Variants in CACNA1B observed in about 807,000 individuals in gnomAD.
CACNA1B encodes the protein voltage-dependent N-type calcium channel subunit alpha-1B.
In CACNA1B, 70 loss-of-function variants were observed where a neutral mutation model predicts 247.2. That is an observed-to-expected ratio of 0.28 (90% confidence interval 0.23 to 0.35). The LOEUF is 0.35. Ranked by LOEUF, CACNA1B falls within the 10% of genes least tolerant of loss-of-function variation. The pLI, the probability that CACNA1B is intolerant of heterozygous loss-of-function variation, is 1.00. For synonymous variants in CACNA1B, 1,231 were observed against 1,294.4 expected, an observed-to-expected ratio of 0.95 and a Z score of 1.05; for missense variants, 2,367 against 3,197.4, an observed-to-expected ratio of 0.74 and a Z score of 6.26.
Position 138,014,978 on chromosome 9 carries a change from C to T in CACNA1B, c.2267+1743C>T, listed in dbSNP as rs1958772203. 6.6e-6 allele frequency among the ~76,000 whole-genome samples: 1 copy of T among 152,202 alleles called. No individual in the cohort carries two copies. The highest frequency in any genetic ancestry group is 2.4e-5 in the African/African-American group (1 of 41,450). ...AGGAACAAGGCAGTAGACTGGCATC[C>T]TTGGGCACAGTGTACATCGACACCA... On this transcript the variant is annotated intron_variant, in intron 18 of 46. Coordinates refer to ENST00000371372, the MANE Select transcript of CACNA1B (RefSeq NM_000718.4). This position sits in a 1 kb window ranked among gnomAD's most constrained non-coding sequence, Gnocchi z 6.2.
intron 10 of CACNA1B, among the ~76,000 whole-genome samples, chr9:137,966,971 T>A (rs1958086036): frequency 7.6e-6 from 1 of 131,078 alleles, no homozygotes; most frequent in Non-Finnish European, 1.5e-5. Flanking sequence ...TTTTGCTTTT[T>A]TTTTTTTAAA....
rs987086229 is a variant in CACNA1B, at chr9:138,100,823, A to G, written c.5223-1888A>G. Among the ~76,000 whole-genome samples, 6 of 152,128 alleles carry G rather than the reference A, an allele frequency of 3.9e-5. No homozygotes were observed. The highest frequency in any genetic ancestry group is 5.9e-5 in the Non-Finnish European group (4 of 68,022). ...GGAGGCCCAGGGAGCATCGTCACTCAGGGAGTGAGAGGAAGAGCTGACCGA... is the reference window on the plus strand; with the variant it reads ...GGAGGCCCAGGGAGCATCGTCACTCGGGGAGTGAGAGGAAGAGCTGACCGA... On this transcript the variant is annotated intron_variant, in intron 37 of 46. Transcript: ENST00000371372. This position sits in a 1 kb window ranked among gnomAD's most constrained non-coding sequence, Gnocchi z 4.6.
intron 3 of CACNA1B, among the ~76,000 whole-genome samples, chr9:137,897,925 TTCCTAATGGCCAACA>T (rs1215084476): frequency 1.3e-5 from 2 of 152,134 alleles, no homozygotes; most frequent in Non-Finnish European, 2.9e-5. Context: ...TTTTTCTATC[TTCCTAATGGCCAACA>T]ATTAAAATAA....
chr9:138,120,109 C>T, intron 44 of CACNA1B, 56 bp from the exon 45 acceptor site: 2 of 1,429,060 alleles, frequency 1.4e-6, no homozygotes, highest in South Asian at 2.6e-5. Context: ...TCCATGCCTG[C>T]ATTCCCGCTG....
intron 20 of CACNA1B, among the ~76,000 whole-genome samples, chr9:138,032,219 A>AT (rs2133451862): frequency 6.6e-6 from 1 of 152,108 alleles, no homozygotes; most frequent in South Asian, 2.1e-4. Context: ...TACATTATAT[A>AT]TACATAACTT....
At chr9:138,009,247 G>A (rs919495429) in intron 16 of CACNA1B, among the ~76,000 whole-genome samples, 1 of 152,232 alleles carries the variant, frequency 6.6e-6, no homozygotes, top group African/African-American at 2.4e-5. Flanking sequence ...TTTCTAAAAG[G>A]TGGGGCAGCA....
rs1328911510 is a variant in CACNA1B at position 138,014,053 on chromosome 9, TGAACACG to T, written c.2267+825_2267+831del. ...CTTCAGCCGGCCACCCGCCCTGCCG[TGAACACG>T]GAACACAGGGCCGGGTGCAGCCACA... On this transcript the variant is annotated intron_variant, in intron 18 of 46. Transcript: ENST00000371372. The surrounding 1 kb of genome is among the most constrained non-coding windows in gnomAD (Gnocchi z 6.2). Among the ~76,000 whole-genome samples the T allele has an allele frequency of 4.6e-5, 7 of 152,262 alleles. No homozygotes were observed. Among genetic ancestry groups the T allele is most frequent in the Non-Finnish European group, 7.3e-5 (5 of 68,044 alleles).
At chr9:138,039,866 T>C (rs1028929296) in intron 20 of CACNA1B, among the ~76,000 whole-genome samples, 2 of 152,200 alleles carry the variant, frequency 1.3e-5, no homozygotes, top group Admixed American at 6.5e-5. Context: ...ATCAGGTTTG[T>C]TAGTTGTATT....
chr9:138,025,245 C>A, intron 20 of CACNA1B, 73 bp downstream of exon 20: 2 of 987,110 alleles, frequency 2.0e-6, no homozygotes, highest in South Asian at 1.5e-5. Context: ...CCCTCCTGCT[C>A]CACAGCAGCC....
In CACNA1B at chr9:137,950,282, C is replaced by T. The variant is rs1013218519; in HGVS notation, c.967-1992C>T. The stretch of plus-strand genomic sequence containing the variant: ...TTTCTGCACACTGTGTGTGGGTGGG[C>T]GGCTTTGTGACTGCTGGATGGTGGT... On this transcript the variant is annotated intron_variant, in intron 6 of 46. Transcript: ENST00000371372. This position sits in a 1 kb window ranked among gnomAD's most constrained non-coding sequence, Gnocchi z 4.8. Among the ~76,000 whole-genome samples the T allele has an allele frequency of 2.0e-5, 3 of 152,168 alleles. No individual in the cohort carries two copies. Among genetic ancestry groups the T allele is most frequent in the Admixed American group, 6.5e-5 (1 of 15,272 alleles).
chr9:138,107,348 GTGATCCTCC>G (rs1961467664), intron 39 of CACNA1B, among the ~76,000 whole-genome samples: 1 of 151,818 alleles, frequency 6.6e-6, no homozygotes, highest in South Asian at 2.1e-4. Flanking sequence ...CCAGGCTCAA[GTGATCCTCC>G]TGCCTCGGCC....
At chr9:138,065,113 G>T (rs1339798803) in intron 31 of CACNA1B, among the ~76,000 whole-genome samples, 1 of 152,172 alleles carries the variant, frequency 6.6e-6, no homozygotes, top group East Asian at 1.9e-4. Context: ...CCTGCTTCAG[G>T]TGCCCTCGCC....
Position 138,051,452 on chromosome 9 carries a change from T to TCTCC in CACNA1B, c.3711-619_3711-616dup, listed in dbSNP as rs376476348. Among the ~76,000 whole-genome samples the TCTCC allele has an allele frequency of 1.5e-3, 227 of 149,888 alleles. No individual in the cohort carries two copies. The highest frequency in any genetic ancestry group is 2.7e-3 in the Non-Finnish European group (180 of 67,552). On this transcript the variant is annotated intron_variant, in intron 24 of 46. Coordinates refer to ENST00000371372, the MANE Select transcript of CACNA1B (RefSeq NM_000718.4). The surrounding 1 kb of genome is among the most constrained non-coding windows in gnomAD (Gnocchi z 4.3). ...GCATTGATATGTCTGTCTCTATGGC[T>TCTCC]CTCCCTCCCTCCCTCCCTCCCTCCT...
Position 137,881,742 on chromosome 9 carries a change from C to T in CACNA1B, c.391-1002C>T, listed in dbSNP as rs1564869782. Reference sequence around the variant, plus strand: ...GGGGTCTCCCTAAGCTCCACACAGCCCCATCTCCACCCTGTTTGCTGCTTC... The same window carrying T: ...GGGGTCTCCCTAAGCTCCACACAGCTCCATCTCCACCCTGTTTGCTGCTTC... On this transcript the variant is annotated intron_variant, in intron 2 of 46. Transcript: ENST00000371372. The surrounding 1 kb of genome is among the most constrained non-coding windows in gnomAD (Gnocchi z 4.3). Among the ~76,000 whole-genome samples, 1 of 152,206 alleles carries T rather than the reference C, an allele frequency of 6.6e-6. No individual in the cohort carries two copies. The highest frequency in any genetic ancestry group is 1.5e-5 in the Non-Finnish European group (1 of 68,040).
chr9:138,046,685 AC>A (rs1477506082), intron 21 of CACNA1B, among the ~76,000 whole-genome samples: 1 of 151,414 alleles, frequency 6.6e-6, no homozygotes. Context: ...AGCCTTCCCC[AC>A]CCCCCGTCCC....
intron 21 of CACNA1B, among the ~76,000 whole-genome samples, chr9:138,044,121 G>A (rs1959166047): frequency 6.6e-6 from 1 of 152,238 alleles, no homozygotes; most frequent in South Asian, 2.1e-4. Flanking sequence ...GTGAGCTCCA[G>A]GCCTGGGCTC....
chr9:138,089,765 C>T (rs1960817120), intron 36 of CACNA1B, among the ~76,000 whole-genome samples: 1 of 152,106 alleles, frequency 6.6e-6, no homozygotes, highest in South Asian at 2.1e-4. Context: ...ACCAAAAAAT[C>T]CTTAGAACTC....
chr9:138,069,679 A>C, intron 31 of CACNA1B, 79 bp from the exon 32 acceptor site: 4 of 1,048,912 alleles, frequency 3.8e-6, no homozygotes, highest in Non-Finnish European at 6.0e-6. Flanking sequence ...CTCCGTCTGT[A>C]TGTTGTGCAC....
At chr9:138,022,449 C>G (rs778262042) in intron 18 of CACNA1B, among the ~76,000 whole-genome samples, 1 of 152,148 alleles carries the variant, frequency 6.6e-6, no homozygotes, top group African/African-American at 2.4e-5. Context: ...CTCTGGGTTC[C>G]CTGGCAAACA....
Sources: allele counts gnomAD v4.1 joint callset (sites outside exome capture counted in the v4.1 genomes callset), GRCh38; gene constraint gnomAD v4.1.1; non-coding constraint Gnocchi (gnomAD v3.1); transcripts MANE v1.5; gene names NCBI Gene and HGNC (gene_info 2026-07-23, HGNC 2026-07-21).